The following DCC variants were observed in gnomAD, a reference collection of about 807,000 sequenced individuals.
DCC encodes the protein netrin receptor DCC.
In DCC, 58 loss-of-function variants were observed where a neutral mutation model predicts 172.5. The ratio of observed to expected loss-of-function variants is 0.34; its 90% CI spans 0.27 to 0.42. DCC has a LOEUF of 0.42. DCC is among the 10% of genes least tolerant of loss of function. DCC has a pLI of 1.00. For missense variants in DCC, 1,740 were observed against 1,791.0 expected, an observed-to-expected ratio of 0.97 and a Z score of 0.51; for synonymous variants, 709 against 644.5, an observed-to-expected ratio of 1.10 and a Z score of -1.52.
At chr18:52,681,308 C>T (rs993494691) in intron 1 of DCC, among the ~76,000 whole-genome samples, 5 of 151,966 alleles carry the variant, frequency 3.3e-5, no homozygotes, top group Non-Finnish European at 7.4e-5. Flanking sequence ...GCTCTGAATC[C>T]TTAGGACACA....
At chr18:52,792,391 G>A (rs976524141) in intron 2 of DCC, among the ~76,000 whole-genome samples, 4 of 152,200 alleles carry the variant, frequency 2.6e-5, no homozygotes, top group Admixed American at 1.3e-4. Flanking sequence ...ATTATGATAG[G>A]AAAGTTGGAG....
intron 1 of DCC, among the ~76,000 whole-genome samples, chr18:52,680,426 A>G (rs73465840): frequency 4.1e-4 from 62 of 152,196 alleles, no homozygotes; most frequent in Admixed American, 1.2e-3. Context: ...TCTGCAGGGA[A>G]GCCCTCCTGG....
At chr18:52,704,811 C>T (rs1243990646) in intron 1 of DCC, among the ~76,000 whole-genome samples, 1 of 151,900 alleles carries the variant, frequency 6.6e-6, no homozygotes, top group East Asian at 1.9e-4. Flanking sequence ...ACTTTTGTAT[C>T]TTTGTATGGG....
At chr18:53,397,254 T>C (rs1909011501) in intron 17 of DCC, 54 bp from the exon 18 acceptor site, 15 of 1,537,594 alleles carry the variant, frequency 9.8e-6, no homozygotes, top group Non-Finnish European at 1.4e-5. Context: ...TGTCTTGATT[T>C]ACCAAGTTGA....
At chr18:53,131,511 G>A (rs1176895972) in intron 7 of DCC, among the ~76,000 whole-genome samples, 1 of 152,122 alleles carries the variant, frequency 6.6e-6, no homozygotes, top group East Asian at 1.9e-4. Flanking sequence ...GGTAACCAAG[G>A]AAGGCTGTGC....
intron 1 of DCC, among the ~76,000 whole-genome samples, chr18:52,691,886 A>G (rs1436404279): frequency 1.3e-5 from 2 of 152,176 alleles, no homozygotes; most frequent in Non-Finnish European, 2.9e-5. Context: ...CTCTTTGCTT[A>G]TAACTGACCT....
chr18:53,450,531 TG>T lies in DCC; in HGVS notation c.3263del (p.Gly1088AlafsTer13), dbSNP rs1178626392. 6.2e-7 allele frequency: 1 copy of T among 1,614,064 alleles called. No individual in the cohort carries two copies. On this transcript the variant is annotated frameshift_variant, in exon 23 of 29. Transcript: ENST00000442544. LOFTEE classifies it high-confidence loss of function. ...PPIGQMHPPH[G>X]SVTPQKNSNL... ...CAATTGGACAAATGCACCCCCCGCA[TG>T]GCAGTGTCACTCCTCAGAAGAACAG...
Position 53,158,110 on chromosome 18 carries a change from C to A in DCC, c.1418+598C>A, listed in dbSNP as rs371855244. On this transcript the variant is annotated intron_variant, in intron 8 of 28. Transcript: ENST00000442544. ...CCATAAATATGTACATCTATTATGTCCCCACGAAAATTAAAAGTTTTTTAA... is the reference window on the plus strand; with the variant it reads ...CCATAAATATGTACATCTATTATGTACCCACGAAAATTAAAAGTTTTTTAA... 3.3e-5 allele frequency among the ~76,000 whole-genome samples: 5 copies of A among 149,694 alleles called. No homozygotes were observed. The East Asian group carries it at 6.0e-4, about 18-fold the overall frequency.
intron 12 of DCC, among the ~76,000 whole-genome samples, chr18:53,282,587 T>C (rs1001191453): frequency 1.3e-5 from 2 of 152,174 alleles, no homozygotes; most frequent in African/African-American, 4.8e-5. Context: ...GAGTTTATTA[T>C]ACTGAAGCAT....
chr18:52,980,411 G>T (rs756623012), intron 5 of DCC, among the ~76,000 whole-genome samples: 1 of 151,950 alleles, frequency 6.6e-6, no homozygotes, highest in African/African-American at 2.4e-5. Context: ...AAATTTCAGG[G>T]TCCGGTTATC....
At chr18:52,960,081 C>G (rs916500641) in intron 5 of DCC, among the ~76,000 whole-genome samples, 1 of 152,116 alleles carries the variant, frequency 6.6e-6, no homozygotes, top group African/African-American at 2.4e-5. Context: ...GAGATACACG[C>G]ACCCACGCAT....
In DCC at chr18:52,396,161, C is replaced by T. The variant is rs557344246; in HGVS notation, c.91+55283C>T. Among the ~76,000 whole-genome samples the T allele has an allele frequency of 8.8e-4, 133 of 151,948 alleles. 1 individual carries two copies. Among genetic ancestry groups the T allele is most frequent in the African/African-American group, 3.0e-3 (123 of 41,454 alleles). On this transcript the variant is annotated intron_variant, in intron 1 of 28. Coordinates refer to ENST00000442544, the MANE Select transcript of DCC (RefSeq NM_005215.4). Reference sequence around the variant, plus strand: ...CTTTCCTGGGGTTCTCTATGTATTTCCCGTTAAAGCAGAAAAGAAAATAAA... The same window carrying T: ...CTTTCCTGGGGTTCTCTATGTATTTTCCGTTAAAGCAGAAAAGAAAATAAA...
chr18:53,199,770 C>T (rs2055507115), intron 9 of DCC, among the ~76,000 whole-genome samples: 2 of 152,078 alleles, frequency 1.3e-5, no homozygotes, highest in East Asian at 1.9e-4. Context: ...ATCTAACAAG[C>T]AAGCACTATT....
At chr18:52,934,101 T>C in intron 5 of DCC, among the ~76,000 whole-genome samples, 1 of 152,092 alleles carries the variant, frequency 6.6e-6, no homozygotes, top group Non-Finnish European at 1.5e-5. Flanking sequence ...TTCTATGTAC[T>C]TTTTCATATC....
At chr18:53,329,488 AAAAG>A (rs1260428205) in intron 14 of DCC, among the ~76,000 whole-genome samples, 2 of 152,008 alleles carry the variant, frequency 1.3e-5, no homozygotes, top group East Asian at 1.9e-4. Flanking sequence ...TTAAACATTG[AAAAG>A]AAAGGCATTT....
intron 2 of DCC, among the ~76,000 whole-genome samples, chr18:52,768,963 C>G (rs1200688746): frequency 2.0e-5 from 3 of 152,150 alleles, no homozygotes; most frequent in African/African-American, 7.2e-5. Flanking sequence ...GACTGAGTAA[C>G]TACCATGGCT....
At chr18:53,460,135 A>T (rs1197146265) in intron 24 of DCC, among the ~76,000 whole-genome samples, 2 of 89,946 alleles carry the variant, frequency 2.2e-5, no homozygotes. Flanking sequence ...AAGTAAGAAC[A>T]CTAGAAAATA....
intron 7 of DCC, among the ~76,000 whole-genome samples, chr18:53,114,534 C>T (rs935241695): frequency 2.6e-5 from 4 of 151,430 alleles, no homozygotes; most frequent in African/African-American, 9.7e-5. Context: ...AAAACAGTTG[C>T]GATGTTATTT....
intron 14 of DCC, among the ~76,000 whole-genome samples, chr18:53,323,186 C>A (rs1325979668): frequency 6.6e-6 from 1 of 152,092 alleles, no homozygotes; most frequent in East Asian, 1.9e-4. Flanking sequence ...CACTTTAACT[C>A]TTTTCCTAGT....
Sources: allele counts gnomAD v4.1 joint callset (sites outside exome capture counted in the v4.1 genomes callset), GRCh38; gene constraint gnomAD v4.1.1; transcripts MANE v1.5; gene names NCBI Gene and HGNC (gene_info 2026-07-23, HGNC 2026-07-21).